Variants in TOM1L2 observed in about 807,000 individuals in gnomAD.
TOM1L2 encodes the protein target of myb1 like 2 membrane trafficking protein.
A neutral mutation model predicts 67.9 loss-of-function variants in TOM1L2; 31 were observed. The observed-to-expected ratio is 0.46, with a 90% CI of 0.34 to 0.62. TOM1L2 has a LOEUF of 0.62. Among genes scored for constraint, TOM1L2 ranks in the 20% least tolerant of loss-of-function variants. TOM1L2 has a pLI of 0.01. For missense variants in TOM1L2, 606 were observed against 663.5 expected, an observed-to-expected ratio of 0.91 and a Z score of 0.95; for synonymous variants, 256 against 254.0, an observed-to-expected ratio of 1.01 and a Z score of -0.07.
intron 7 of TOM1L2, among the ~76,000 whole-genome samples, chr17:17,876,634 C>T (rs1265687498): frequency 1.3e-5 from 2 of 152,184 alleles, no homozygotes; most frequent in Admixed American, 6.5e-5. Flanking sequence ...CCCAGCCCTG[C>T]GCCAGGCACT....
intron 1 of TOM1L2, among the ~76,000 whole-genome samples, chr17:17,922,400 T>A (rs1322145851): frequency 6.6e-6 from 1 of 152,152 alleles, no homozygotes; most frequent in African/African-American, 2.4e-5. Flanking sequence ...ATGGGGCTTT[T>A]CAACAGGAGT....
chr17:17,884,802 C>G (rs771680754), intron 4 of TOM1L2, 34 bp from the exon 5 acceptor site: 1 of 1,611,710 alleles, frequency 6.2e-7, no homozygotes, highest in African/African-American at 1.3e-5. Flanking sequence ...GGAAGCATTT[C>G]TCAGAGCTGC....
intron 1 of TOM1L2, 62 bp downstream of exon 1, chr17:17,972,200 G>T: frequency 6.5e-7 from 1 of 1,543,206 alleles, no homozygotes; most frequent in South Asian, 1.2e-5. Flanking sequence ...GAGGCCCGCG[G>T]TCCTCACCAG....
At chr17:17,920,631 C>G (rs2039823327) in intron 1 of TOM1L2, among the ~76,000 whole-genome samples, 1 of 145,096 alleles carries the variant, frequency 6.9e-6, no homozygotes, top group Admixed American at 7.0e-5. Context: ...AGCCACTGCG[C>G]CCGGCTTTTT....
At chr17:17,947,875 TTAAAA>T (rs1422190190) in intron 1 of TOM1L2, among the ~76,000 whole-genome samples, 2 of 152,352 alleles carry the variant, frequency 1.3e-5, no homozygotes, top group East Asian at 1.9e-4. Flanking sequence ...GGTCACACTG[TTAAAA>T]TAAAGAAAAA....
chr17:17,961,380 T>C (rs1272858273), intron 1 of TOM1L2, among the ~76,000 whole-genome samples: 3 of 151,846 alleles, frequency 2.0e-5, no homozygotes, highest in African/African-American at 7.3e-5. Flanking sequence ...TAGTCTGGGA[T>C]ACATGGGGAG....
chr17:17,851,637 A>C (rs1439503513), intron 12 of TOM1L2, among the ~76,000 whole-genome samples: 2 of 152,236 alleles, frequency 1.3e-5, no homozygotes. Context: ...AAAGGGGACT[A>C]TGGGGCTTTA....
chr17:17,926,083 A>C (rs1302686950), intron 1 of TOM1L2, among the ~76,000 whole-genome samples: 1 of 151,634 alleles, frequency 6.6e-6, no homozygotes, highest in Non-Finnish European at 1.5e-5. Flanking sequence ...AGGTGAGAGG[A>C]TCACTTGAGC....
intron 1 of TOM1L2, among the ~76,000 whole-genome samples, chr17:17,960,617 C>A (rs2041640314): frequency 6.6e-6 from 1 of 152,186 alleles, no homozygotes; most frequent in Non-Finnish European, 1.5e-5. Context: ...GTATTACAGG[C>A]ATGAGCCAGT....
rs142843986 is a variant in TOM1L2 at position 17,966,110 on chromosome 17, G to A, written c.52+6152C>T. Among the ~76,000 whole-genome samples the A allele has an allele frequency of 3.9e-4, 60 of 152,222 alleles. No individual in the cohort carries two copies. The East Asian group carries it at 0.011, about 28-fold the overall frequency. On this transcript the variant is annotated intron_variant, in intron 1 of 14. Transcript: ENST00000379504. ...CACTCCACCCTGGGCAACAGAGCAA[G>A]ACTCCATCTGGAAAACAAAGAAACA...
At position 17,893,847 on chromosome 17, in the gene TOM1L2, G is replaced by C. The variant is rs779246477; in HGVS notation, c.217-37C>G. 3 of 1,600,362 alleles carry C rather than the reference G, an allele frequency of 1.9e-6. No individual in the cohort carries two copies. The South Asian group carries it at 3.4e-5, about 18-fold the overall frequency. Reference sequence around the variant, plus strand: ...AGGGAAGGAAAAGGGTCACCCCAGTGGGAGCTGGAGAAGACACTGGGAACT... The same window carrying C: ...AGGGAAGGAAAAGGGTCACCCCAGTCGGAGCTGGAGAAGACACTGGGAACT... On this transcript the variant is annotated intron_variant, in intron 3 of 14. Transcript: ENST00000379504.
At chr17:17,893,985 C>G (rs1313332598) in intron 3 of TOM1L2, among the ~76,000 whole-genome samples, 175 bp from the exon 4 acceptor site, 1 of 152,218 alleles carries the variant, frequency 6.6e-6, no homozygotes, top group Non-Finnish European at 1.5e-5. Context: ...ACACTCCATT[C>G]TCCAGGGATG....
intron 7 of TOM1L2, among the ~76,000 whole-genome samples, chr17:17,878,194 C>G (rs995772051): frequency 1.2e-4 from 19 of 152,358 alleles, no homozygotes; most frequent in African/African-American, 4.6e-4. Flanking sequence ...GAAGCCAGGT[C>G]CCCTGGAGTG....
chr17:17,934,668 T>C (rs1194601809), intron 1 of TOM1L2, among the ~76,000 whole-genome samples: 1 of 152,208 alleles, frequency 6.6e-6, no homozygotes, highest in Non-Finnish European at 1.5e-5. Flanking sequence ...TAAAAATGTG[T>C]CGACCTATAC....
intron 1 of TOM1L2, among the ~76,000 whole-genome samples, chr17:17,951,076 G>A (rs1392537122): frequency 6.6e-6 from 1 of 152,072 alleles, no homozygotes; most frequent in Non-Finnish European, 1.5e-5. Flanking sequence ...CTTTAGTGTG[G>A]GGCAGACCTG....
At chr17:17,883,419 G>A (rs117561333) in intron 5 of TOM1L2, among the ~76,000 whole-genome samples, 2,329 of 152,318 alleles carry the variant, frequency 0.015, 24 homozygotes, top group Non-Finnish European at 0.024. Flanking sequence ...GAGGGATCAT[G>A]ATGAAAACAG....
intron 1 of TOM1L2, among the ~76,000 whole-genome samples, chr17:17,907,861 G>C (rs2039167248): frequency 6.6e-6 from 1 of 152,154 alleles, no homozygotes; most frequent in African/African-American, 2.4e-5. Context: ...TCAAATACAG[G>C]CTCCACTACT....
intron 1 of TOM1L2, among the ~76,000 whole-genome samples, chr17:17,966,695 G>A (rs2041883622): frequency 1.3e-5 from 2 of 152,164 alleles, no homozygotes; most frequent in African/African-American, 4.8e-5. Flanking sequence ...CATTGACCTT[G>A]CACAAGTCTC....
At chr17:17,904,398 C>T (rs1340794949) in intron 2 of TOM1L2, among the ~76,000 whole-genome samples, 2 of 152,142 alleles carry the variant, frequency 1.3e-5, no homozygotes, top group Non-Finnish European at 2.9e-5. Context: ...GAGTTGCCAA[C>T]ATATTTGTAT....
Sources: gnomAD v4.1 joint callset for allele counts (sites outside exome capture counted in the v4.1 genomes callset) on GRCh38, gnomAD v4.1.1 for gene constraint, MANE v1.5 for transcripts, NCBI Gene and HGNC (gene_info 2026-07-23, HGNC 2026-07-21) for gene names.